Variants in ATG4B observed in about 807,000 individuals in gnomAD.
The protein encoded by ATG4B is cysteine protease ATG4B.
ATG4B carries 29 observed loss-of-function variants against 56.6 expected under a neutral mutation model. The ratio of observed to expected loss-of-function variants is 0.51; its 90% confidence interval spans 0.38 to 0.70. The LOEUF is 0.70. Among genes scored for constraint, ATG4B ranks in the 30% least tolerant of loss-of-function variants. The pLI is 0.00. For missense variants in ATG4B, 461 were observed against 515.5 expected (o/e 0.89, Z 1.02); for synonymous variants, 224 against 206.1 (o/e 1.09, Z -0.74).
intron 3 of ATG4B, among the ~76,000 whole-genome samples, chr2:241,652,705 C>T (rs1055000792): frequency 2.6e-5 from 4 of 152,098 alleles, no homozygotes; most frequent in Middle Eastern, 3.2e-3. Flanking sequence ...AGCAGTGGAG[C>T]GAGGGTGACC....
chr2:241,662,003 A>G lies in ATG4B; in HGVS notation c.538+2816A>G, dbSNP rs376268658. Among the ~76,000 whole-genome samples the G allele has an allele frequency of 3.7e-4, 57 of 152,312 alleles. No individual in the cohort carries two copies. In the East Asian group the frequency reaches 0.011, roughly 28 times the overall value. The stretch of plus-strand genomic sequence containing the variant: ...CAGAAACAGAGTGGGGAGGAGAATC[A>G]CAATAGCTGGAACTCAACTCTCTGA... On this transcript the variant is annotated intron_variant, in intron 7 of 12. Coordinates refer to ENST00000404914, the MANE Select transcript of ATG4B (RefSeq NM_013325.5).
rs1452299683 is a variant in ATG4B, at chr2:241,651,010, C to G, written c.11C>G (p.Ala4Gly). 1 of 1,612,536 alleles carries G rather than the reference C, an allele frequency of 6.2e-7. No homozygotes were observed. The highest frequency in any genetic ancestry group is 1.1e-5 in the South Asian group (1 of 90,716). The change falls in exon 2 of 13, where the codon GCT (alanine) becomes GGT (glycine). Residue 4 changes from alanine (A) to glycine (G), a missense_variant and splice_region_variant. By Grantham distance (60) the Ala-to-Gly change is moderately conservative. Coordinates refer to ENST00000404914, the MANE Select transcript of ATG4B (RefSeq NM_013325.5). This position sits in a 1 kb window ranked among gnomAD's most constrained non-coding sequence, Gnocchi z 4.1. Reference protein sequence around the residue: MDAATLTYDTLRFA... With the variant: MDAGTLTYDTLRFA... The stretch of plus-strand genomic sequence containing the variant: ...GATTGTGCATCTTTGGTTTCAACAG[C>G]TACTCTGACCTACGACACTCTCCGG...
chr2:241,647,967 A>G (rs1426968925), intron 1 of ATG4B, among the ~76,000 whole-genome samples: 1 of 152,144 alleles, frequency 6.6e-6, no homozygotes, highest in Non-Finnish European at 1.5e-5. Flanking sequence ...TACAAAAATT[A>G]GCCGGGCATG....
At chr2:241,644,596 C>T (rs529808714) in intron 1 of ATG4B, among the ~76,000 whole-genome samples, 118 of 152,108 alleles carry the variant, frequency 7.8e-4, no homozygotes, top group African/African-American at 2.6e-3. Flanking sequence ...GTTGGCCGGG[C>T]GCGGTCTGCC....
Position 241,654,616 on chromosome 2 carries a change from G to A in ATG4B, c.354G>A (p.Arg118=). Residue 118 remains arginine, a synonymous_variant, in exon 5 of 13, where the codon AGG becomes AGA. Coordinates refer to ENST00000404914, the MANE Select transcript of ATG4B (RefSeq NM_013325.5). ...GCGTCCTCAACGCATTCATCGACAG[G>A]AAGGACAGTTACTACTCCATTCACC... The part of the protein sequence containing the change: ...YFSVLNAFID[R]KDSYYSIHQI... The A allele has an allele frequency of 6.2e-7, 1 of 1,601,834 alleles. No homozygotes were observed. Among genetic ancestry groups the A allele is most frequent in the Middle Eastern group, 1.7e-4 (1 of 6,056 alleles).
Position 241,655,263 on chromosome 2 carries a change from C to G in ATG4B, c.386-8C>G, listed in dbSNP as rs995715972. ...TGTGTGTTGCTAATGTGTATCTGTT[C>G]CCTGCAGCGCAAATGGGAGTTGGCG... On this transcript the variant is annotated splice_region_variant and splice_polypyrimidine_tract_variant and intron_variant, in intron 5 of 12. Transcript: ENST00000404914. 5 of 1,608,682 alleles carry G rather than the reference C, an allele frequency of 3.1e-6. No homozygotes were observed. The highest frequency in any genetic ancestry group is 4.2e-6 in the Non-Finnish European group (5 of 1,177,562).
chr2:241,669,352 G>T (rs907854238), intron 10 of ATG4B, among the ~76,000 whole-genome samples: 103 of 152,262 alleles, frequency 6.8e-4, no homozygotes, highest in Non-Finnish European at 6.3e-4. Flanking sequence ...TGGATGCTCC[G>T]CCCCATTTAG....
At position 241,666,757 on chromosome 2, in the gene ATG4B, G is replaced by A. The variant is rs771610845; in HGVS notation, c.651G>A (p.Ser217=). The A allele has an allele frequency of 4.3e-5, 69 of 1,603,506 alleles. No individual in the cohort carries two copies. The highest frequency in any genetic ancestry group is 5.4e-5 in the African/African-American group (4 of 74,722). ...PAGAEVTNRP[S]PWRPLVLLIP... ...GAGCTGAGGTCACCAACAGGCCGTCGCCATGGAGACCCCTGGTACTTCTCA... is the reference window on the plus strand; with the variant it reads ...GAGCTGAGGTCACCAACAGGCCGTCACCATGGAGACCCCTGGTACTTCTCA... The change falls in exon 8 of 13, where the codon TCG becomes TCA. Residue 217 remains serine, a synonymous_variant. Transcript: ENST00000404914.
chr2:241,637,759 A>G, intron 1 of ATG4B, 35 bp downstream of exon 1: 2 of 1,565,644 alleles, frequency 1.3e-6, no homozygotes, highest in Non-Finnish European at 8.6e-7. Flanking sequence ...TTTCCGCAGG[A>G]GGTGCTCGCC....
chr2:241,670,681 T>G, intron 10 of ATG4B, 45 bp from the exon 11 acceptor site: 1 of 1,556,736 alleles, frequency 6.4e-7, no homozygotes, highest in Non-Finnish European at 8.8e-7. Flanking sequence ...CTTAGCCGAC[T>G]GCAGATGGGG....
rs146270931 is a variant in ATG4B at position 241,669,257 on chromosome 2, G to A, written c.957+572G>A. Among the ~76,000 whole-genome samples, 1,377 of 152,280 alleles carry A rather than the reference G, an allele frequency of 9.0e-3. 24 individuals are homozygous for A. Among genetic ancestry groups the A allele is most frequent in the African/African-American group, 0.031 (1,308 of 41,554 alleles). ...CCTGCCCTCAAATATATTTGATGGG[G>A]AAAGAGGCCAAAAAACCCCCCTAGA... On this transcript the variant is annotated intron_variant, in intron 10 of 12. Coordinates refer to ENST00000404914, the MANE Select transcript of ATG4B (RefSeq NM_013325.5).
chr2:241,666,496 T>G (rs2068777229), intron 7 of ATG4B, 149 bp from the exon 8 acceptor site: 1 of 838,090 alleles, frequency 1.2e-6, no homozygotes. Flanking sequence ...TTTCTTACGC[T>G]TTTCTATATT....
At chr2:241,666,282 G>T (rs537451979) in intron 7 of ATG4B, among the ~76,000 whole-genome samples, 1 of 152,382 alleles carries the variant, frequency 6.6e-6, no homozygotes, top group East Asian at 1.9e-4. Flanking sequence ...TTGCTGAGGA[G>T]GCCCGGAGGG....
chr2:241,668,767 C>CG lies in ATG4B; in HGVS notation c.957+83dup, dbSNP rs2068860111. On this transcript the variant is annotated intron_variant, in intron 10 of 12. Transcript: ENST00000404914. This position sits in a 1 kb window ranked among gnomAD's most constrained non-coding sequence, Gnocchi z 4.2. ...GACGAGGAAAACTTTCGGATTTTTG[C>CG]GTTTTTTTTTTCAGCATGTTGGGAT... is the stretch of plus-strand genomic sequence containing the variant. 2 of 1,442,320 alleles carry CG rather than the reference C, an allele frequency of 1.4e-6. No individual in the cohort carries two copies. The highest frequency in any genetic ancestry group is 1.8e-6 in the Non-Finnish European group (2 of 1,093,472). 89.3% of individuals were successfully genotyped at this position (1,442,320 alleles called of 1,614,324 possible). A position where few individuals can be genotyped will look rare whatever the true frequency, so the allele number is the denominator to read the frequency against.
At chr2:241,670,022 G>A (rs932924152) in intron 10 of ATG4B, among the ~76,000 whole-genome samples, 15 of 152,196 alleles carry the variant, frequency 9.9e-5, no homozygotes, top group African/African-American at 2.9e-4. Context: ...GTCCTCACCC[G>A]TGAGGAGGAG....
intron 7 of ATG4B, among the ~76,000 whole-genome samples, chr2:241,662,168 A>AT (rs1024097823): frequency 2.6e-5 from 4 of 152,106 alleles, no homozygotes; most frequent in Non-Finnish European, 4.4e-5. Context: ...AGACCCCCAA[A>AT]TTTTTTTATC....
At chr2:241,665,483 CTT>C (rs1370540357) in intron 7 of ATG4B, among the ~76,000 whole-genome samples, 2 of 152,206 alleles carry the variant, frequency 1.3e-5, no homozygotes, top group African/African-American at 2.4e-5. Flanking sequence ...GGTTCTGCCT[CTT>C]TGTTGTGGTT....
intron 7 of ATG4B, among the ~76,000 whole-genome samples, chr2:241,660,937 A>G (rs1460315945): frequency 6.6e-6 from 1 of 152,178 alleles, no homozygotes; most frequent in East Asian, 1.9e-4. Flanking sequence ...GTGGCCAGGA[A>G]GGCGCAAGGG....
intron 6 of ATG4B, 87 bp from the exon 7 acceptor site, chr2:241,659,021 G>A (rs578161511): frequency 1.2e-4 from 121 of 1,048,392 alleles, no homozygotes; most frequent in East Asian, 2.1e-4. Context: ...CCTCTAACGC[G>A]AACCCTCCTT....
Sources: allele counts gnomAD v4.1 joint callset (sites outside exome capture counted in the v4.1 genomes callset), GRCh38; gene constraint gnomAD v4.1.1; non-coding constraint Gnocchi (gnomAD v3.1); transcripts MANE v1.5; gene names NCBI Gene and HGNC (gene_info 2026-07-23, HGNC 2026-07-21).